THSD4: variants seen among roughly 807,000 people sequenced by gnomAD.
The protein encoded by THSD4 is thrombospondin type 1 domain containing 4.
Under a neutral mutation model 119.0 loss-of-function variants are expected in THSD4, and 69 were observed. The ratio of observed to expected loss-of-function variants is 0.58; its 90% CI spans 0.48 to 0.71. The LOEUF (loss-of-function observed/expected upper bound fraction) is 0.71. Among genes scored for constraint, THSD4 ranks in the 30% least tolerant of loss-of-function variants. The pLI, the probability that THSD4 is intolerant of heterozygous loss-of-function variation, is 0.00. For synonymous variants in THSD4, 524 were observed against 540.4 expected, an observed-to-expected ratio of 0.97 and a Z score of 0.42; for missense variants, 1,393 against 1,391.1, an observed-to-expected ratio of 1.00 and a Z score of -0.02.
At chr15:71,498,539 T>G (rs1303865549) in intron 7 of THSD4, among the ~76,000 whole-genome samples, 2 of 152,308 alleles carry the variant, frequency 1.3e-5, no homozygotes, top group East Asian at 1.9e-4. Context: ...ATCTTCTGTC[T>G]GTCTGGAATC....
intron 6 of THSD4, among the ~76,000 whole-genome samples, chr15:71,378,067 T>G (rs1376350667): frequency 6.6e-6 from 1 of 152,236 alleles, no homozygotes; most frequent in Non-Finnish European, 1.5e-5. Flanking sequence ...GTTCAGGTTG[T>G]GCACTGCACA....
intron 5 of THSD4, among the ~76,000 whole-genome samples, chr15:71,254,829 C>G (rs1342008550): frequency 6.6e-6 from 1 of 152,188 alleles, no homozygotes; most frequent in Non-Finnish European, 1.5e-5. Context: ...GCCTGTCCGC[C>G]TCTCCCTGAT....
chr15:71,208,802 G>A (rs189760486), intron 3 of THSD4, among the ~76,000 whole-genome samples: 2 of 151,988 alleles, frequency 1.3e-5, no homozygotes, highest in Admixed American at 1.3e-4. Context: ...ATGAGCCACC[G>A]TGCCAGGCTC....
intron 7 of THSD4, among the ~76,000 whole-genome samples, chr15:71,442,652 G>GTA (rs1408924258): frequency 1.2e-4 from 3 of 25,186 alleles, no homozygotes; most frequent in Non-Finnish European, 2.3e-4. Context: ...ATATGTGTGT[G>GTA]TGTGTGTGTA....
intron 7 of THSD4, among the ~76,000 whole-genome samples, chr15:71,574,849 T>C (rs921271134): frequency 4.6e-5 from 7 of 152,132 alleles, no homozygotes; most frequent in African/African-American, 1.4e-4. Flanking sequence ...TAATCTACCA[T>C]AGCGATTGCC....
intron 7 of THSD4, among the ~76,000 whole-genome samples, chr15:71,429,401 G>A (rs941983960): frequency 6.6e-6 from 1 of 152,198 alleles, no homozygotes; most frequent in Non-Finnish European, 1.5e-5. Context: ...ATACTGAATA[G>A]GACCAGAATA....
At chr15:71,727,902 TG>T (rs1205780516) in intron 8 of THSD4, among the ~76,000 whole-genome samples, 2 of 141,642 alleles carry the variant, frequency 1.4e-5, no homozygotes, top group African/African-American at 5.4e-5. Flanking sequence ...ACCTCAGTGT[TG>T]GGGGGCAACA....
At chr15:71,386,847 C>G (rs16955520) in intron 6 of THSD4, among the ~76,000 whole-genome samples, 1 of 152,134 alleles carries the variant, frequency 6.6e-6, no homozygotes, top group Admixed American at 6.5e-5. Context: ...TGAAAGCATT[C>G]GCCAGTTGTT....
At chr15:71,365,357 T>A (rs1408419549) in intron 6 of THSD4, among the ~76,000 whole-genome samples, 4 of 152,086 alleles carry the variant, frequency 2.6e-5, no homozygotes, top group Non-Finnish European at 5.9e-5. Flanking sequence ...GATGTAACAG[T>A]AACAAAGCCA....
chr15:71,484,491 C>T (rs568273017), intron 7 of THSD4, among the ~76,000 whole-genome samples: 3 of 152,288 alleles, frequency 2.0e-5, no homozygotes, highest in Non-Finnish European at 4.4e-5. Context: ...CCAAACCTGT[C>T]CTGTCCTGAG....
chr15:71,735,495 T>C (rs955963930), intron 10 of THSD4, among the ~76,000 whole-genome samples: 7 of 152,032 alleles, frequency 4.6e-5, no homozygotes, highest in Non-Finnish European at 1.0e-4. Context: ...TCTGTCTTGC[T>C]CTCTGTCTGT....
chr15:71,217,789 C>CTTTT (rs11413853), intron 4 of THSD4, among the ~76,000 whole-genome samples: 1 of 137,766 alleles, frequency 7.3e-6, no homozygotes, highest in Non-Finnish European at 1.6e-5. Flanking sequence ...AGGCACTGTT[C>CTTTT]TTTTTTTTTT....
Position 71,215,348 on chromosome 15 carries a change from G to A in THSD4, c.413G>A (p.Arg138Gln), listed in dbSNP as rs375517199. The change falls in exon 4 of 18, where the codon CGA becomes CAA. Residue 138 changes from arginine (R) to glutamine (Q), a missense_variant. Coordinates refer to ENST00000261862, the MANE Select transcript of THSD4 (RefSeq NM_024817.3). The stretch of plus-strand genomic sequence containing the variant: ...AGCCGCCAGGGCCCCACGGTGCTGC[G>A]AGGCAGCCGGCACCCACAGCCCCAG... Reference protein sequence around the residue: ...DASRQGPTVLRGSRHPQPQGL... With the variant: ...DASRQGPTVLQGSRHPQPQGL... 156 of 1,532,122 alleles carry A rather than the reference G, an allele frequency of 1.0e-4. No individual in the cohort carries two copies. The African/African-American group carries it at 1.7e-3, about 17-fold the overall frequency. 94.9% of individuals were successfully genotyped at this position (1,532,122 alleles called of 1,614,324 possible).
chr15:71,412,473 T>A (rs2046702719), intron 7 of THSD4, among the ~76,000 whole-genome samples: 1 of 152,182 alleles, frequency 6.6e-6, no homozygotes, highest in African/African-American at 2.4e-5. Context: ...ATTCCGTAGC[T>A]ACATTAATTT....
chr15:71,604,518 C>A (rs958486304), intron 7 of THSD4, among the ~76,000 whole-genome samples: 2 of 152,066 alleles, frequency 1.3e-5, no homozygotes, highest in Non-Finnish European at 2.9e-5. Context: ...AAGAGATGAC[C>A]TCAGATGAGT....
intron 8 of THSD4, among the ~76,000 whole-genome samples, chr15:71,724,181 G>A (rs1256794441): frequency 6.7e-6 from 1 of 148,692 alleles, no homozygotes; most frequent in Non-Finnish European, 1.5e-5. Context: ...CTAAAAGAAG[G>A]CGCAGGAGCA....
chr15:71,444,914 A>G (rs4264351), intron 7 of THSD4, among the ~76,000 whole-genome samples: 147,373 of 152,242 alleles, frequency 0.97, 71,450 homozygotes, highest in East Asian at 1. Flanking sequence ...TGCCCACTCT[A>G]CCTCTCCCCA....
intron 1 of THSD4, among the ~76,000 whole-genome samples, chr15:71,135,368 A>C (rs1420135017): frequency 6.8e-6 from 1 of 147,000 alleles, no homozygotes; most frequent in Non-Finnish European, 1.5e-5. Context: ...TATAATAAAA[A>C]AAAAAAAGAA....
At chr15:71,519,979 A>G (rs1362338096) in intron 7 of THSD4, among the ~76,000 whole-genome samples, 3 of 152,214 alleles carry the variant, frequency 2.0e-5, no homozygotes, top group Non-Finnish European at 2.9e-5. Context: ...CAGTGGTGGC[A>G]AATCACAGGA....
Sources: allele counts gnomAD v4.1 joint callset (sites outside exome capture counted in the v4.1 genomes callset), GRCh38; gene constraint gnomAD v4.1.1; transcripts MANE v1.5; gene names NCBI Gene and HGNC (gene_info 2026-07-23, HGNC 2026-07-21).